The following GSE1 variants were observed in gnomAD, a reference collection of about 807,000 sequenced individuals.
GSE1 encodes the protein genetic suppressor element 1.
Under a neutral mutation model 112.6 loss-of-function variants are expected in GSE1, and 32 were observed. The ratio of observed to expected loss-of-function variants is 0.28; its 90% CI spans 0.21 to 0.38. GSE1 has a LOEUF of 0.38. Among genes scored for constraint, GSE1 ranks in the 10% least tolerant of loss-of-function variants. GSE1 has a pLI of 1.00. For missense variants in GSE1, 2,348 were observed against 1,699.2 expected, an observed-to-expected ratio of 1.38 and a Z score of -6.71; for synonymous variants, 1,115 against 735.6, an observed-to-expected ratio of 1.52 and a Z score of -8.35.
rs370213799 is a variant in GSE1, at chr16:85,668,270, T to C, written c.3261T>C (p.Thr1087=). Residue 1087 remains threonine, a synonymous_variant, in exon 14 of 16, where the codon ACT becomes ACC. Coordinates refer to ENST00000253458, the MANE Select transcript of GSE1 (RefSeq NM_014615.5). ...ACAATGGGCAGCAGGAGCCCCCCAC[T>C]GCAAGGAAGGGCCCCCCAACCCAGG... is the stretch of plus-strand genomic sequence containing the variant. ...PQHNGQQEPP[T]ARKGPPTQEL... is the part of the protein sequence containing the mutation. 1 of 1,612,938 alleles carries C rather than the reference T, an allele frequency of 6.2e-7. No individual in the cohort carries two copies. Among genetic ancestry groups the C allele is most frequent in the South Asian group, 1.1e-5 (1 of 91,040 alleles).
chr16:85,340,639 C>T (rs1190972867), intron 1 of GSE1, among the ~76,000 whole-genome samples: 1 of 152,120 alleles, frequency 6.6e-6, no homozygotes, highest in Non-Finnish European at 1.5e-5. Flanking sequence ...AGACCCTGTC[C>T]CAAAAACAAA....
At chr16:85,279,307 AT>A (rs2044784351) in intron 1 of GSE1, among the ~76,000 whole-genome samples, 1 of 152,206 alleles carries the variant, frequency 6.6e-6, no homozygotes, top group Non-Finnish European at 1.5e-5. Context: ...CTACAAGCTC[AT>A]TTAAGGTAGT....
intron 2 of GSE1, among the ~76,000 whole-genome samples, chr16:85,514,099 C>G (rs925509261): frequency 2.6e-5 from 4 of 151,796 alleles, no homozygotes; most frequent in African/African-American, 9.7e-5. Flanking sequence ...GAGGTCAGGG[C>G]TGATCACTCT....
chr16:85,363,286 C>T (rs929321350), intron 2 of GSE1, among the ~76,000 whole-genome samples: 1 of 152,216 alleles, frequency 6.6e-6, no homozygotes, highest in African/African-American at 2.4e-5. Flanking sequence ...TGGGGTGTTG[C>T]CTTGCTTGAC....
At chr16:85,611,436 C>G, upstream of GSE1, 1 of 983,932 alleles carries the variant, frequency 1.0e-6, no homozygotes, top group South Asian at 4.7e-5. Context: ...TTATAGCGTC[C>G]GGCCAAGGCC....
chr16:85,361,458 C>G (rs1391283498), intron 2 of GSE1, among the ~76,000 whole-genome samples: 3 of 152,250 alleles, frequency 2.0e-5, no homozygotes, highest in African/African-American at 7.2e-5. Context: ...CCCCGTCTCC[C>G]TCTTTCCAGG....
chr16:85,589,789 A>G (rs910566295), intron 1 of GSE1, among the ~76,000 whole-genome samples: 1 of 151,684 alleles, frequency 6.6e-6, no homozygotes, highest in Non-Finnish European at 1.5e-5. Flanking sequence ...GTATGTGTGA[A>G]TATGTGTGAG....
intron 1 of GSE1, among the ~76,000 whole-genome samples, chr16:85,172,550 G>T (rs999626519): frequency 6.6e-6 from 1 of 152,222 alleles, no homozygotes; most frequent in African/African-American, 2.4e-5. Flanking sequence ...TTTGGGATCC[G>T]GCTTTGCAAG....
intron 1 of GSE1, among the ~76,000 whole-genome samples, chr16:85,604,238 G>A (rs1598347420): frequency 1.3e-5 from 2 of 152,268 alleles, no homozygotes; most frequent in East Asian, 1.9e-4. Flanking sequence ...TGCCTGTTCC[G>A]GGCATTTCAT....
rs1407133059 is a variant in GSE1 at position 85,246,244 on chromosome 16, C to CAA, written c.2283+74437_2283+74438insAA. ...ACACACACACACACACACACGCACA[C>CAA]CACACGCTGTCTACACACACACACA... On this transcript the variant is annotated intron_variant, in intron 1 of 2. Coordinates refer to the GSE1 transcript ENST00000637419. 1.1e-4 allele frequency among the ~76,000 whole-genome samples: 15 copies of CAA among 133,714 alleles called. 1 individual carries two copies. Among genetic ancestry groups the CAA allele is most frequent in the Non-Finnish European group, 2.3e-4 (14 of 62,044 alleles). 87.7% of individuals were successfully genotyped at this position (133,714 alleles called of 152,430 possible).
At chr16:85,351,472 T>A (rs1478876276) in intron 1 of GSE1, among the ~76,000 whole-genome samples, 2 of 151,740 alleles carry the variant, frequency 1.3e-5, no homozygotes, top group African/African-American at 4.8e-5. Flanking sequence ...AAGAGGCCAG[T>A]CCACGGAGAC....
intron 1 of GSE1, among the ~76,000 whole-genome samples, chr16:85,188,247 C>T (rs1362911426): frequency 6.8e-6 from 1 of 146,754 alleles, no homozygotes; most frequent in Non-Finnish European, 1.5e-5. Context: ...GGGCAGCAGT[C>T]AGCGGGCACC....
intron 2 of GSE1, among the ~76,000 whole-genome samples, chr16:85,473,841 G>A (rs992965642): frequency 6.6e-6 from 1 of 152,130 alleles, no homozygotes; most frequent in Non-Finnish European, 1.5e-5. Flanking sequence ...AGTCTGGTGG[G>A]GAGCAGGGCG....
At chr16:85,368,333 G>C (rs993972181) in intron 2 of GSE1, among the ~76,000 whole-genome samples, 1 of 152,168 alleles carries the variant, frequency 6.6e-6, no homozygotes, top group African/African-American at 2.4e-5. Flanking sequence ...AAGGTCACTG[G>C]AGCATCGGAG....
At chr16:85,511,970 G>C (rs748464761) in intron 2 of GSE1, among the ~76,000 whole-genome samples, 2 of 152,162 alleles carry the variant, frequency 1.3e-5, no homozygotes, top group Admixed American at 1.3e-4. Flanking sequence ...TGGAGGGCTC[G>C]ATCCCCAGCC....
At chr16:85,285,194 A>G (rs1381860982) in intron 1 of GSE1, 1 of 152,260 alleles carries the variant, frequency 6.6e-6, no homozygotes, top group African/African-American at 2.4e-5. Context: ...TGCCTGTGAC[A>G]TGAAGCGCCA....
intron 2 of GSE1, among the ~76,000 whole-genome samples, chr16:85,647,460 T>C (rs765483186): frequency 9.2e-5 from 14 of 152,184 alleles, no homozygotes; most frequent in Non-Finnish European, 1.9e-4. Context: ...AATTTAAAAA[T>C]AAATGGATCT....
At chr16:85,367,299 C>T (rs1401517191) in intron 2 of GSE1, among the ~76,000 whole-genome samples, 1 of 152,214 alleles carries the variant, frequency 6.6e-6, no homozygotes, top group African/African-American at 2.4e-5. Flanking sequence ...TGATTGTCTG[C>T]CGGCACGTCT....
intron 1 of GSE1, among the ~76,000 whole-genome samples, chr16:85,287,022 G>A (rs990994873): frequency 1.3e-5 from 2 of 152,212 alleles, no homozygotes; most frequent in Non-Finnish European, 2.9e-5. Context: ...GGTGCCGCCC[G>A]CCACAGCTGG....
Sources: allele counts gnomAD v4.1 joint callset (sites outside exome capture counted in the v4.1 genomes callset), GRCh38; gene constraint gnomAD v4.1.1; transcripts MANE v1.5; gene names NCBI Gene and HGNC (gene_info 2026-07-23, HGNC 2026-07-21).